Variants in FGF14 observed in about 807,000 individuals in gnomAD.
The protein encoded by FGF14 is fibroblast growth factor homologous factor 4.
FGF14 carries 5 observed loss-of-function variants against 25.5 expected under a neutral mutation model. The ratio of observed to expected loss-of-function variants is 0.20; its 90% CI spans 0.10 to 0.41. The LOEUF (loss-of-function observed/expected upper bound fraction) is 0.41, where lower values mean the gene tolerates loss of function less well. FGF14 is among the 10% of genes least tolerant of loss of function. The pLI is 1.00. For missense variants in FGF14, 222 were observed against 320.1 expected (o/e 0.69, Z 2.34); for synonymous variants, 138 against 118.3 (o/e 1.17, Z -1.08).
At chr13:102,357,420 G>A (rs987670994) in intron 1 of FGF14, among the ~76,000 whole-genome samples, 1 of 151,956 alleles carries the variant, frequency 6.6e-6, no homozygotes, top group East Asian at 1.9e-4. Context: ...CAGTAGCCAA[G>A]GTCCAGAAAT....
At chr13:101,734,836 G>C (rs752605752) in intron 3 of FGF14, among the ~76,000 whole-genome samples, 25 of 152,210 alleles carry the variant, frequency 1.6e-4, no homozygotes, top group Non-Finnish European at 2.4e-4. Context: ...CTTTCATCAA[G>C]ATAAATATAA....
intron 3 of FGF14, among the ~76,000 whole-genome samples, chr13:101,786,353 T>C (rs1419384191): frequency 6.6e-6 from 1 of 152,204 alleles, no homozygotes; most frequent in Non-Finnish European, 1.5e-5. Context: ...GAGAAAATAC[T>C]TTTTGTATTA....
At chr13:102,186,581 G>A (rs2048883447) in intron 1 of FGF14, among the ~76,000 whole-genome samples, 1 of 152,094 alleles carries the variant, frequency 6.6e-6, no homozygotes, top group African/African-American at 2.4e-5. Context: ...TTCTCAATGT[G>A]AATATGATAG....
intron 3 of FGF14, among the ~76,000 whole-genome samples, chr13:101,824,575 A>G (rs2042312384): frequency 6.6e-6 from 1 of 152,152 alleles, no homozygotes; most frequent in Admixed American, 6.5e-5. Context: ...ATGATTTTTG[A>G]TTAAAAAATA....
At chr13:102,264,197 A>T (rs1323279544) in intron 1 of FGF14, among the ~76,000 whole-genome samples, 1 of 152,150 alleles carries the variant, frequency 6.6e-6, no homozygotes, top group Admixed American at 6.5e-5. Context: ...AAGACTCATG[A>T]TACTCATCTG....
intron 1 of FGF14, among the ~76,000 whole-genome samples, chr13:102,154,435 G>A (rs111933212): frequency 2.0e-3 from 309 of 151,926 alleles, no homozygotes; most frequent in Non-Finnish European, 3.7e-3. Context: ...AAGTGAAGGA[G>A]AAATAAAATA....
chr13:101,884,761 G>T (rs886627708), intron 1 of FGF14, among the ~76,000 whole-genome samples: 1 of 151,914 alleles, frequency 6.6e-6, no homozygotes, highest in African/African-American at 2.4e-5. Flanking sequence ...GAGAAAAAAA[G>T]CATACCTTAT....
intron 1 of FGF14, among the ~76,000 whole-genome samples, chr13:102,370,785 T>C (rs1175646139): frequency 6.6e-6 from 1 of 152,190 alleles, no homozygotes; most frequent in East Asian, 1.9e-4. Context: ...CATTTTGTGT[T>C]TCTTCTTAAA....
intron 1 of FGF14, among the ~76,000 whole-genome samples, chr13:102,274,758 G>T (rs1004227030): frequency 1.3e-5 from 2 of 151,892 alleles, no homozygotes; most frequent in Admixed American, 1.3e-4. Context: ...GAAAACCAAT[G>T]ATTTAACCCA....
intron 1 of FGF14, among the ~76,000 whole-genome samples, chr13:102,370,314 A>G (rs1267480685): frequency 1.3e-5 from 2 of 152,172 alleles, no homozygotes; most frequent in Non-Finnish European, 2.9e-5. Context: ...CTATTGACAC[A>G]TTAAAAAATG....
intron 3 of FGF14, among the ~76,000 whole-genome samples, chr13:101,761,692 G>C (rs1269419649): frequency 6.6e-6 from 1 of 152,104 alleles, no homozygotes; most frequent in African/African-American, 2.4e-5. Flanking sequence ...ACCTTGATCT[G>C]ATCACTGTAC....
intron 1 of FGF14, among the ~76,000 whole-genome samples, chr13:101,957,856 T>C (rs1322692): frequency 0.11 from 16,057 of 152,060 alleles, 1,147 homozygotes; most frequent in African/African-American, 0.2. Flanking sequence ...ATCACATGTG[T>C]GTTCAAAGGC....
chr13:102,148,448 G>T (rs1239727210), intron 1 of FGF14, among the ~76,000 whole-genome samples: 3 of 152,116 alleles, frequency 2.0e-5, no homozygotes, highest in Non-Finnish European at 4.4e-5. Context: ...TAGAGTGAGG[G>T]ATCAAGTTTG....
At chr13:102,123,513 G>A (rs1440629044) in intron 1 of FGF14, among the ~76,000 whole-genome samples, 1 of 152,054 alleles carries the variant, frequency 6.6e-6, no homozygotes, top group African/African-American at 2.4e-5. Context: ...ATATCAAGGG[G>A]TGGACAAAAA....
At chr13:102,360,604 C>A (rs189383528) in intron 1 of FGF14, among the ~76,000 whole-genome samples, 1 of 152,076 alleles carries the variant, frequency 6.6e-6, no homozygotes, top group Non-Finnish European at 1.5e-5. Context: ...TATAAACTCT[C>A]AATTAGAGTT....
chr13:102,317,499 C>T (rs1213969037), intron 1 of FGF14, among the ~76,000 whole-genome samples: 4 of 152,200 alleles, frequency 2.6e-5, no homozygotes, highest in Admixed American at 1.3e-4. Flanking sequence ...TTTTCTGCTT[C>T]TGTCTCTGTT....
intron 1 of FGF14, among the ~76,000 whole-genome samples, chr13:101,968,372 A>C (rs1295666363): frequency 6.6e-6 from 1 of 152,136 alleles, no homozygotes; most frequent in African/African-American, 2.4e-5. Context: ...TACTGAACAC[A>C]TTAAAAAAAA....
intron 3 of FGF14, among the ~76,000 whole-genome samples, chr13:101,849,676 G>C (rs572359609): frequency 6.6e-6 from 1 of 152,234 alleles, no homozygotes. Context: ...ATGGATGAGA[G>C]AGAGATACAT....
At chr13:102,157,481 T>C (rs569495025) in intron 1 of FGF14, among the ~76,000 whole-genome samples, 23 of 152,326 alleles carry the variant, frequency 1.5e-4, no homozygotes, top group African/African-American at 5.5e-4. Context: ...CTGGATCTCT[T>C]CCTTACACCT....
Sources: gnomAD v4.1 joint callset for allele counts (sites outside exome capture counted in the v4.1 genomes callset) on GRCh38, gnomAD v4.1.1 for gene constraint, MANE v1.5 for transcripts, NCBI Gene and HGNC (gene_info 2026-07-23, HGNC 2026-07-21) for gene names.